Variants in PCDH15 observed in about 807,000 individuals in gnomAD.
The protein encoded by PCDH15 is protocadherin-15.
Under a neutral mutation model 178.5 loss-of-function variants are expected in PCDH15, and 129 were observed. The ratio of observed to expected loss-of-function variants is 0.72; its 90% CI spans 0.63 to 0.84. PCDH15 has a LOEUF of 0.84. Ranked by LOEUF, PCDH15 falls within the 40% of genes least tolerant of loss-of-function variation. The probability of loss-of-function intolerance (pLI) is 0.00; values close to 1 mark genes in which losing one functional copy is unlikely to be tolerated. For missense variants in PCDH15, 2,230 were observed against 2,099.9 expected (o/e 1.06, Z -1.21); for synonymous variants, 800 against 732.0 (o/e 1.09, Z -1.50).
At chr10:55,363,387 A>G (rs4935134) in intron 2 of PCDH15, among the ~76,000 whole-genome samples, 86,154 of 151,912 alleles carry the variant, frequency 0.57, 25,015 homozygotes, top group African/African-American at 0.68. Flanking sequence ...AGTCACATAT[A>G]GTTTATGTGT....
rs560580096 is a variant in PCDH15, at chr10:54,100,359, C to T, written c.1918-10296G>A. On this transcript the variant is annotated intron_variant, in intron 15 of 37. Coordinates refer to ENST00000644397, the MANE Select transcript of PCDH15 (RefSeq NM_001384140.1). Reference sequence around the variant, plus strand: ...CAGCCTGAGTGACAGAGCAAGACTCCGTCTCAAAAAAAAAAAAAAGTATTG... The same window carrying T: ...CAGCCTGAGTGACAGAGCAAGACTCTGTCTCAAAAAAAAAAAAAAGTATTG... 4.2e-5 allele frequency among the ~76,000 whole-genome samples: 6 copies of T among 142,794 alleles called. No individual in the cohort carries two copies. In the South Asian group the frequency reaches 9.1e-4, roughly 22 times the overall value. 93.7% of individuals were successfully genotyped at this position (142,794 alleles called of 152,430 possible).
intron 2 of PCDH15, among the ~76,000 whole-genome samples, chr10:55,354,293 G>A (rs1845017580): frequency 6.6e-6 from 1 of 152,156 alleles, no homozygotes; most frequent in African/African-American, 2.4e-5. Context: ...TGATATATGT[G>A]GAGTGAGAGT....
intron 2 of PCDH15, among the ~76,000 whole-genome samples, chr10:55,157,820 G>A (rs1838933269): frequency 1.3e-5 from 2 of 151,874 alleles, no homozygotes; most frequent in Non-Finnish European, 1.5e-5. Context: ...TGGGGGAAGG[G>A]GGGAGGGATA....
At chr10:53,910,479 G>A (rs1564746047) in intron 25 of PCDH15, among the ~76,000 whole-genome samples, 1 of 152,088 alleles carries the variant, frequency 6.6e-6, no homozygotes, top group South Asian at 2.1e-4. Context: ...CAACAAAAAG[G>A]ACACCCACAC....
intron 3 of PCDH15, among the ~76,000 whole-genome samples, chr10:54,395,451 C>A (rs1466520870): frequency 6.6e-6 from 1 of 151,796 alleles, no homozygotes; most frequent in African/African-American, 2.4e-5. Flanking sequence ...CACACACACC[C>A]ACATTAAGAA....
chr10:55,231,780 T>C (rs1397199526), intron 1 of PCDH15, among the ~76,000 whole-genome samples: 1 of 151,986 alleles, frequency 6.6e-6, no homozygotes, highest in East Asian at 1.9e-4. Flanking sequence ...GATACAGCTA[T>C]CTTGTGACAT....
At chr10:55,292,203 T>C (rs1843024542) in intron 1 of PCDH15, among the ~76,000 whole-genome samples, 1 of 152,172 alleles carries the variant, frequency 6.6e-6, no homozygotes, top group Non-Finnish European at 1.5e-5. Context: ...CTTCTGCCTA[T>C]AAGCCTTAAA....
At chr10:55,455,488 T>G (rs1198698868) in intron 2 of PCDH15, among the ~76,000 whole-genome samples, 1 of 152,158 alleles carries the variant, frequency 6.6e-6, no homozygotes, top group Non-Finnish European at 1.5e-5. Context: ...TATCAACAAT[T>G]ACCATTTGTG....
At chr10:54,778,270 G>A (rs1365529149) in intron 1 of PCDH15, among the ~76,000 whole-genome samples, 1 of 152,130 alleles carries the variant, frequency 6.6e-6, no homozygotes, top group Non-Finnish European at 1.5e-5. Context: ...TTTTGTGCTA[G>A]CCTAAATTTC....
chr10:55,406,983 T>C (rs1050345535), intron 2 of PCDH15, among the ~76,000 whole-genome samples: 1 of 152,172 alleles, frequency 6.6e-6, no homozygotes. Flanking sequence ...GCCAAATGTT[T>C]ATTATAGGTT....
At chr10:54,708,174 G>A (rs1202407047) in intron 1 of PCDH15, among the ~76,000 whole-genome samples, 1 of 152,210 alleles carries the variant, frequency 6.6e-6, no homozygotes, top group Non-Finnish European at 1.5e-5. Flanking sequence ...CGACACAGAG[G>A]ACATGTTGTA....
At chr10:54,648,493 G>A (rs184705319) in intron 2 of PCDH15, among the ~76,000 whole-genome samples, 2 of 152,078 alleles carry the variant, frequency 1.3e-5, no homozygotes, top group African/African-American at 4.8e-5. Flanking sequence ...GGTAGAACAG[G>A]GTTGGGCACC....
At chr10:54,028,695 A>C (rs1316142819) in intron 18 of PCDH15, among the ~76,000 whole-genome samples, 1 of 149,450 alleles carries the variant, frequency 6.7e-6, no homozygotes, top group Non-Finnish European at 1.5e-5. Context: ...AGAACAAAAA[A>C]CCAAACACCG....
chr10:54,962,020 A>G (rs1838669227), intron 2 of PCDH15, among the ~76,000 whole-genome samples: 1 of 152,160 alleles, frequency 6.6e-6, no homozygotes, highest in South Asian at 2.1e-4. Flanking sequence ...CTGTTCTGTC[A>G]CTCAATAAAG....
At chr10:54,286,835 C>T (rs1564868407) in intron 8 of PCDH15, among the ~76,000 whole-genome samples, 1 of 152,140 alleles carries the variant, frequency 6.6e-6, no homozygotes, top group Non-Finnish European at 1.5e-5. Flanking sequence ...GCCATGTTGG[C>T]CAGGCTGGTG....
At chr10:53,953,850 C>T (rs991352911) in intron 23 of PCDH15, among the ~76,000 whole-genome samples, 9 of 152,056 alleles carry the variant, frequency 5.9e-5, no homozygotes, top group African/African-American at 1.2e-4. Flanking sequence ...AGTGCAGTGG[C>T]GCAATCTCAG....
At chr10:54,936,741 AAG>A (rs967403484) in intron 2 of PCDH15, among the ~76,000 whole-genome samples, 1 of 149,560 alleles carries the variant, frequency 6.7e-6, no homozygotes, top group African/African-American at 2.5e-5. Context: ...TTTTAGTTTT[AAG>A]AGTTTTTTTA....
At chr10:54,204,149 T>C (rs1321569021) in intron 10 of PCDH15, among the ~76,000 whole-genome samples, 2 of 152,196 alleles carry the variant, frequency 1.3e-5, no homozygotes, top group African/African-American at 4.8e-5. Context: ...TGTACTTTTA[T>C]TTTGAAATCA....
chr10:53,848,058 G>C (rs1236604260), intron 28 of PCDH15, among the ~76,000 whole-genome samples: 1 of 151,940 alleles, frequency 6.6e-6, no homozygotes, highest in Non-Finnish European at 1.5e-5. Flanking sequence ...CAGCAGTACA[G>C]ACTGCGGTAA....
Sources: allele counts gnomAD v4.1 joint callset (sites outside exome capture counted in the v4.1 genomes callset), GRCh38; gene constraint gnomAD v4.1.1; transcripts MANE v1.5; gene names NCBI Gene and HGNC (gene_info 2026-07-23, HGNC 2026-07-21).